The following EFHD1 variants were observed in gnomAD, a reference collection of about 807,000 sequenced individuals.
EFHD1 encodes EF-hand domain family member D1, also known as EF-hand domain-containing protein D1.
Under a neutral mutation model 17.2 loss-of-function variants are expected in EFHD1, and 10 were observed. The ratio of observed to expected loss-of-function variants is 0.58; its 90% CI spans 0.36 to 0.99. The LOEUF (loss-of-function observed/expected upper bound fraction) is 0.99, where lower values mean the gene tolerates loss of function less well. Among genes scored for constraint, EFHD1 ranks in the 50% least tolerant of loss-of-function variants. The pLI, the probability that EFHD1 is intolerant of heterozygous loss-of-function variation, is 0.01. For synonymous variants in EFHD1, 153 were observed against 142.0 expected, an observed-to-expected ratio of 1.08 and a Z score of -0.55; for missense variants, 310 against 327.5, an observed-to-expected ratio of 0.95 and a Z score of 0.41.
chr2:232,627,036 C>CTCTCTCTCTA (rs1242284297), intron 1 of EFHD1, among the ~76,000 whole-genome samples: 4 of 112,682 alleles, frequency 3.5e-5, no homozygotes, highest in African/African-American at 6.6e-5. Flanking sequence ...CTCTCTCTCT[C>CTCTCTCTCTA]TATATATATA....
intron 3 of EFHD1, among the ~76,000 whole-genome samples, chr2:232,676,879 C>T (rs561370121): frequency 1.7e-4 from 26 of 151,974 alleles, no homozygotes; most frequent in African/African-American, 5.3e-4. Flanking sequence ...CAGTGGCTCA[C>T]ACCTGGACAC....
At chr2:232,644,942 ATTTTTTTT>A (rs752790323) in intron 1 of EFHD1, among the ~76,000 whole-genome samples, 2 of 114,384 alleles carry the variant, frequency 1.7e-5, no homozygotes, top group South Asian at 2.9e-4. Flanking sequence ...ATGCCTGGCA[ATTTTTTTT>A]TTTTTTTTTT....
Position 232,624,601 on chromosome 2 carries a change from G to A in EFHD1, c.14+18428G>A, listed in dbSNP as rs578196408. Among the ~76,000 whole-genome samples, 11 of 152,390 alleles carry A rather than the reference G, an allele frequency of 7.2e-5. No homozygotes were observed. The South Asian group carries it at 2.3e-3, about 32-fold the overall frequency. ...ATGGGGAGAACCGCATTTAGCTAGT[G>A]CCTGGGGGCTATCCACTGGGCACTG... is the stretch of plus-strand genomic sequence containing the variant. On this transcript the variant is annotated intron_variant, in intron 1 of 3. Coordinates refer to the EFHD1 transcript ENST00000409613.
At chr2:232,669,283 G>A (rs1574732407) in intron 2 of EFHD1, among the ~76,000 whole-genome samples, 1 of 152,200 alleles carries the variant, frequency 6.6e-6, no homozygotes, top group South Asian at 2.1e-4. Context: ...CCGGCCTCTA[G>A]TGAGAGAGTT....
rs564822355 is a variant in EFHD1, at chr2:232,681,229, T to C, written c.586-356T>C. Among the ~76,000 whole-genome samples the C allele has an allele frequency of 3.8e-3, 579 of 152,176 alleles. 4 individuals are homozygous for C. The highest frequency in any genetic ancestry group is 5.6e-3 in the Non-Finnish European group (382 of 67,994). Reference sequence around the variant, plus strand: ...GGGGATTCATTTTGGTTTGCCTTTTTCCCTAGAATTGAACAATATTAGTGT... The same window carrying C: ...GGGGATTCATTTTGGTTTGCCTTTTCCCCTAGAATTGAACAATATTAGTGT... On this transcript the variant is annotated intron_variant, in intron 3 of 3. Transcript: ENST00000264059.
chr2:232,620,697 C>T, intron 1 of EFHD1, among the ~76,000 whole-genome samples: 1 of 152,212 alleles, frequency 6.6e-6, no homozygotes, highest in Middle Eastern at 3.4e-3. Context: ...ATAATTAAAT[C>T]TTGAAATACA....
At chr2:232,670,617 A>G (rs956310347) in intron 2 of EFHD1, among the ~76,000 whole-genome samples, 2 of 152,000 alleles carry the variant, frequency 1.3e-5, no homozygotes, top group Non-Finnish European at 2.9e-5. Flanking sequence ...TTAACCTCAC[A>G]TGATAAATAA....
chr2:232,664,271 T>A (rs1559353648), intron 2 of EFHD1, among the ~76,000 whole-genome samples: 1 of 151,868 alleles, frequency 6.6e-6, no homozygotes, highest in Non-Finnish European at 1.5e-5. Flanking sequence ...CTTGAGTAGC[T>A]GGGACTACAG....
At chr2:232,662,337 C>G (rs139611055) in intron 1 of EFHD1, among the ~76,000 whole-genome samples, 1 of 151,946 alleles carries the variant, frequency 6.6e-6, no homozygotes, top group Non-Finnish European at 1.5e-5. Flanking sequence ...GACGGAAAGG[C>G]GGGCTGTTGG....
chr2:232,672,259 G>A, intron 2 of EFHD1, 50 bp from the exon 3 acceptor site: 1 of 1,613,310 alleles, frequency 6.2e-7, no homozygotes. Context: ...GGCTGGTTAT[G>A]AATCTGTCAG....
chr2:232,629,988 C>T (rs1012786446), upstream of EFHD1, among the ~76,000 whole-genome samples: 1 of 151,992 alleles, frequency 6.6e-6, no homozygotes, highest in Non-Finnish European at 1.5e-5. Flanking sequence ...GGGTCTCTGT[C>T]GCCCAGGCTG....
intron 1 of EFHD1, among the ~76,000 whole-genome samples, chr2:232,627,951 C>T (rs1317753814): frequency 2.0e-5 from 3 of 152,062 alleles, no homozygotes; most frequent in African/African-American, 4.8e-5. Context: ...GTAAAACCAT[C>T]GTCACTATCT....
upstream of EFHD1, among the ~76,000 whole-genome samples, chr2:232,631,150 C>T (rs1335219410): frequency 1.3e-5 from 2 of 152,050 alleles, no homozygotes; most frequent in Admixed American, 6.6e-5. Flanking sequence ...TCGCTTGAAC[C>T]TGGGAGGCAG....
intron 1 of EFHD1, among the ~76,000 whole-genome samples, chr2:232,655,230 G>GATA: frequency 6.6e-6 from 1 of 152,124 alleles, no homozygotes; most frequent in African/African-American, 2.4e-5. Context: ...GTGTTGCCCA[G>GATA]GCTGGACTTG....
rs148382563 is a variant in EFHD1 at position 232,618,870 on chromosome 2, G to A, written c.14+12697G>A. ...TATGAAGTAACCGGATTGGCTAGGC[G>A]TGGTGGCTCATGCCTGTAATCCCTG... On this transcript the variant is annotated intron_variant, in intron 1 of 3. Coordinates refer to the EFHD1 transcript ENST00000409613. 2.9e-3 allele frequency among the ~76,000 whole-genome samples: 440 copies of A among 152,168 alleles called. 4 individuals carry two copies. Among genetic ancestry groups the A allele is most frequent in the Middle Eastern group, 0.02 (6 of 294 alleles).
At position 232,613,969 on chromosome 2, in the gene EFHD1, C is replaced by T. The variant is rs371822910; in HGVS notation, c.14+7796C>T. ...ACATAAATATACACACACATACACA[C>T]GTGAATACACACACACATACATACA... On this transcript the variant is annotated intron_variant, in intron 1 of 3. Transcript: ENST00000409613. Among the ~76,000 whole-genome samples the T allele has an allele frequency of 8.6e-5, 13 of 151,716 alleles. No homozygotes were observed. The East Asian group carries it at 1.2e-3, about 14-fold the overall frequency.
At chr2:232,677,946 T>G (rs1410298247) in intron 3 of EFHD1, among the ~76,000 whole-genome samples, 1 of 152,060 alleles carries the variant, frequency 6.6e-6, no homozygotes, top group African/African-American at 2.4e-5. Context: ...ATTATATCAA[T>G]TAGAAAAAAG....
intron 1 of EFHD1, among the ~76,000 whole-genome samples, chr2:232,623,133 A>T (rs1694048830): frequency 6.6e-6 from 1 of 151,980 alleles, no homozygotes; most frequent in African/African-American, 2.4e-5. Context: ...TACAGCCTCG[A>T]CCTCCTGGGC....
intron 3 of EFHD1, among the ~76,000 whole-genome samples, chr2:232,681,202 CAG>C (rs1695276394): frequency 2.0e-5 from 3 of 152,160 alleles, no homozygotes; most frequent in Admixed American, 2.0e-4. Flanking sequence ...TAAATCCCAT[CAG>C]GGGATTCATT....
Sources: allele counts gnomAD v4.1 joint callset (sites outside exome capture counted in the v4.1 genomes callset), GRCh38; gene constraint gnomAD v4.1.1; transcripts MANE v1.5; gene names NCBI Gene and HGNC (gene_info 2026-07-23, HGNC 2026-07-21).